WWOX: variants seen among roughly 807,000 people sequenced by gnomAD.
WWOX encodes the protein WW domain containing oxidoreductase.
Under a neutral mutation model 46.2 loss-of-function variants are expected in WWOX, and 69 were observed. The observed-to-expected ratio is 1.49, with a 90% CI of 1.23 to 1.82. WWOX has a LOEUF of 1.82. Among genes scored for constraint, WWOX ranks in the 40% most tolerant of loss-of-function variants. The probability of loss-of-function intolerance (pLI) is 0.00; values close to 1 mark genes in which losing one functional copy is unlikely to be tolerated. For synonymous variants in WWOX, 359 were observed against 202.6 expected (o/e 1.77, Z -6.56); for missense variants, 919 against 542.6 (o/e 1.69, Z -6.89).
intron 5 of WWOX, among the ~76,000 whole-genome samples, chr16:78,322,602 G>C (rs1051585012): frequency 2.6e-5 from 4 of 152,204 alleles, no homozygotes; most frequent in African/African-American, 9.6e-5. Context: ...AACCCAGGTA[G>C]ACCTGAATTA....
intron 8 of WWOX, among the ~76,000 whole-genome samples, chr16:78,562,531 G>C (rs992670949): frequency 2.0e-5 from 3 of 152,152 alleles, no homozygotes; most frequent in Non-Finnish European, 4.4e-5. Flanking sequence ...TTGAGCTTGA[G>C]GACTCCATAA....
At chr16:78,755,070 G>A (rs1455539961) in intron 8 of WWOX, among the ~76,000 whole-genome samples, 2 of 151,464 alleles carry the variant, frequency 1.3e-5, no homozygotes, top group East Asian at 1.9e-4. Flanking sequence ...AAAGGGGAGG[G>A]AGAGCATTAG....
chr16:78,672,303 C>T (rs1002338630), intron 8 of WWOX, among the ~76,000 whole-genome samples: 2 of 152,146 alleles, frequency 1.3e-5, no homozygotes, highest in Middle Eastern at 3.2e-3. Context: ...CAGGGGCATT[C>T]ATCATGAAAA....
At chr16:79,183,265 G>A (rs910600989) in intron 8 of WWOX, among the ~76,000 whole-genome samples, 1 of 152,188 alleles carries the variant, frequency 6.6e-6, no homozygotes, top group African/African-American at 2.4e-5. Context: ...TAGGTACAAG[G>A]TCAAGGCTCC....
chr16:79,196,769 C>G (rs1474721701), intron 8 of WWOX, among the ~76,000 whole-genome samples: 4 of 151,888 alleles, frequency 2.6e-5, no homozygotes, highest in Non-Finnish European at 5.9e-5. Flanking sequence ...GTAGATTTCA[C>G]TTGTTGTAGA....
chr16:78,892,769 T>A lies in WWOX; in HGVS notation c.1057-318839T>A, dbSNP rs372149249. On this transcript the variant is annotated intron_variant, in intron 8 of 8. Coordinates refer to ENST00000566780, the MANE Select transcript of WWOX (RefSeq NM_016373.4). ...GCATCCCACAACTTTCTAACCTCTG[T>A]TGTAGAGTTTTGTTAGCCACGATTT... is the stretch of plus-strand genomic sequence containing the variant. Among the ~76,000 whole-genome samples, 23 of 152,328 alleles carry A rather than the reference T, an allele frequency of 1.5e-4. No homozygotes were observed. The South Asian group carries it at 4.8e-3, about 32-fold the overall frequency.
chr16:78,435,539 G>A (rs1037226031), intron 8 of WWOX, among the ~76,000 whole-genome samples: 10 of 152,222 alleles, frequency 6.6e-5, no homozygotes, highest in Admixed American at 3.3e-4. Context: ...TAGCTCATGA[G>A]AGGGTTTGGA....
intron 8 of WWOX, among the ~76,000 whole-genome samples, chr16:78,969,066 T>G (rs2046419040): frequency 6.6e-6 from 1 of 152,108 alleles, no homozygotes; most frequent in South Asian, 2.1e-4. Flanking sequence ...TCTTGTTATT[T>G]CCTCCATTAG....
intron 8 of WWOX, among the ~76,000 whole-genome samples, chr16:78,853,045 C>T (rs1173564852): frequency 6.6e-6 from 1 of 152,190 alleles, no homozygotes; most frequent in South Asian, 2.1e-4. Context: ...TCTCAGTTTT[C>T]TTATCTGCAA....
At chr16:78,637,645 G>A (rs1214329686) in intron 8 of WWOX, among the ~76,000 whole-genome samples, 1 of 152,194 alleles carries the variant, frequency 6.6e-6, no homozygotes, top group Non-Finnish European at 1.5e-5. Context: ...GGAAGGGCTG[G>A]AGACGTTGTT....
At chr16:78,906,943 G>A (rs1274857073) in intron 8 of WWOX, among the ~76,000 whole-genome samples, 11 of 152,174 alleles carry the variant, frequency 7.2e-5, no homozygotes, top group Admixed American at 7.2e-4. Flanking sequence ...ATAAGCTATT[G>A]GCAGGTGGTG....
chr16:78,457,438 G>C (rs568963107), intron 8 of WWOX, among the ~76,000 whole-genome samples: 1 of 152,174 alleles, frequency 6.6e-6, no homozygotes, highest in South Asian at 2.1e-4. Flanking sequence ...TACGTCCTGA[G>C]AAAGCGAAGG....
intron 8 of WWOX, among the ~76,000 whole-genome samples, chr16:78,759,116 G>C (rs1274785803): frequency 1.3e-5 from 2 of 152,078 alleles, no homozygotes; most frequent in Admixed American, 6.5e-5. Flanking sequence ...GCCAGTTAGG[G>C]ATTCCTGGCT....
chr16:78,434,262 T>C (rs1280140854), intron 8 of WWOX, among the ~76,000 whole-genome samples: 3 of 152,138 alleles, frequency 2.0e-5, no homozygotes, highest in African/African-American at 2.4e-5. Flanking sequence ...CTACGGAGAA[T>C]GGTGTTCCAT....
At chr16:78,923,610 T>TG (rs1175039639) in intron 8 of WWOX, among the ~76,000 whole-genome samples, 1 of 151,866 alleles carries the variant, frequency 6.6e-6, no homozygotes, top group Non-Finnish European at 1.5e-5. Flanking sequence ...TCTTGGCGGG[T>TG]GGGGGGATAT....
chr16:78,749,318 A>G (rs903533224), intron 8 of WWOX, among the ~76,000 whole-genome samples: 4 of 152,172 alleles, frequency 2.6e-5, no homozygotes, highest in Admixed American at 2.0e-4. Flanking sequence ...AGGAAAGGGG[A>G]AAAAAATGGA....
chr16:79,086,020 C>A (rs2048847733), intron 8 of WWOX, among the ~76,000 whole-genome samples: 1 of 151,880 alleles, frequency 6.6e-6, no homozygotes, highest in South Asian at 2.1e-4. Flanking sequence ...TGCAGTGAGC[C>A]ATGACTGTGG....
chr16:78,607,735 T>C (rs1446192530), intron 8 of WWOX, among the ~76,000 whole-genome samples: 1 of 151,494 alleles, frequency 6.6e-6, no homozygotes, highest in Non-Finnish European at 1.5e-5. Context: ...TTTGTTTTGG[T>C]CAAGGGCAGA....
intron 5 of WWOX, among the ~76,000 whole-genome samples, chr16:78,224,691 A>G (rs1218500308): frequency 6.6e-6 from 1 of 152,228 alleles, no homozygotes; most frequent in East Asian, 1.9e-4. Context: ...GGTTCCAAGA[A>G]TAAGATAAGG....
Sources: gnomAD v4.1 joint callset for allele counts (sites outside exome capture counted in the v4.1 genomes callset) on GRCh38, gnomAD v4.1.1 for gene constraint, MANE v1.5 for transcripts, NCBI Gene and HGNC (gene_info 2026-07-23, HGNC 2026-07-21) for gene names.